Variants in STRN4 observed in about 807,000 individuals in gnomAD.
The protein encoded by STRN4 is striatin-4.
Under a neutral mutation model 77.9 loss-of-function variants are expected in STRN4, and 27 were observed. The observed-to-expected ratio is 0.35, with a 90% CI of 0.26 to 0.48. The LOEUF (loss-of-function observed/expected upper bound fraction) is 0.48, where lower values mean the gene tolerates loss of function less well. Among genes scored for constraint, STRN4 ranks in the 20% least tolerant of loss-of-function variants. The pLI, the probability that STRN4 is intolerant of heterozygous loss-of-function variation, is 0.99. For missense variants in STRN4, 798 were observed against 1,049.7 expected, an observed-to-expected ratio of 0.76 and a Z score of 3.31; for synonymous variants, 466 against 443.1, an observed-to-expected ratio of 1.05 and a Z score of -0.65.
chr19:46,728,081 A>G, intron 7 of STRN4, 74 bp from the exon 8 acceptor site: 1 of 1,341,258 alleles, frequency 7.5e-7, no homozygotes, highest in Non-Finnish European at 1.0e-6. Flanking sequence ...CGCCTTCCCC[A>G]CACTGAGGGC....
In STRN4 at chr19:46,736,838, C is replaced by T. The variant is rs781739750; in HGVS notation, c.524G>A (p.Arg175Gln). ...ENSPLVWKEG[R>Q]QLLRQYLEEV... ...GCACACTCACTGTCGGAGAAGCTGC[C>T]GCCCCTCCTTCCACACCAACGGGCT... The change falls in exon 4 of 18, where the codon CGG becomes CAG. Residue 175 changes from arginine to glutamine, a missense_variant. Physicochemically the swap from Arg to Gln is conservative, Grantham distance 43. Transcript: ENST00000263280. 22 of 1,613,120 alleles carry T rather than the reference C, an allele frequency of 1.4e-5. No individual in the cohort carries two copies. The highest frequency in any genetic ancestry group is 1.3e-4 in the East Asian group (6 of 44,786).
chr19:46,736,699 C>T, intron 4 of STRN4, 124 bp downstream of exon 4: 1 of 1,050,172 alleles, frequency 9.5e-7, no homozygotes, highest in South Asian at 1.6e-5. Flanking sequence ...CCAGCCATGG[C>T]TGGCTAAGAT....
At position 46,738,019 on chromosome 19, in the gene STRN4, T is replaced by G; in HGVS notation, c.460+145A>C. 7 of 804,128 alleles carry G rather than the reference T, an allele frequency of 8.7e-6. 1 individual carries two copies. Among genetic ancestry groups the G allele is most frequent in the East Asian group, 2.6e-5 (1 of 38,160 alleles). The allele number at this position is 804,128 out of a possible 1,614,324, so 49.8% of individuals were successfully genotyped here. On this transcript the variant is annotated intron_variant, in intron 3 of 17. Transcript: ENST00000263280. This position sits in a 1 kb window ranked among gnomAD's most constrained non-coding sequence, Gnocchi z 4.5. ...CAGCCCATAGGGAGGGCTCTGAGAG[T>G]GAGATTCCGCCCCTCCCCAGCCCCG...
chr19:46,736,922 G>T (rs2054377996), intron 3 of STRN4, 21 bp from the exon 4 acceptor site: 1 of 1,609,246 alleles, frequency 6.2e-7, no homozygotes, highest in Non-Finnish European at 8.5e-7. Flanking sequence ...AGAGAACGGA[G>T]GCTGTCTTAA....
At chr19:46,727,795 G>T in intron 8 of STRN4, 99 bp downstream of exon 8, 1 of 1,132,566 alleles carries the variant, frequency 8.8e-7, no homozygotes. Context: ...CTGGAGGCTG[G>T]GCCTCGACCC....
Position 46,738,922 on chromosome 19 carries a change from TG to T in STRN4, c.283-35del. ...GCAGACAGGAGGCAAAGGGAGATAATGGGGCTCAGGCTCAATGCCGGTGTGT... is the reference window on the plus strand; with the variant it reads ...GCAGACAGGAGGCAAAGGGAGATAATGGGCTCAGGCTCAATGCCGGTGTGT... On this transcript the variant is annotated intron_variant, in intron 1 of 17. Transcript: ENST00000263280. The surrounding 1 kb of genome is among the most constrained non-coding windows in gnomAD (Gnocchi z 4.5). 1 of 1,586,444 alleles carries T rather than the reference TG, an allele frequency of 6.3e-7. No individual in the cohort carries two copies. Among genetic ancestry groups the T allele is most frequent in the Non-Finnish European group, 8.6e-7 (1 of 1,157,482 alleles).
chr19:46,731,962 C>T lies in STRN4; in HGVS notation c.737+1077G>A, dbSNP rs180732392. On this transcript the variant is annotated intron_variant, in intron 5 of 17. Coordinates refer to ENST00000263280, the MANE Select transcript of STRN4 (RefSeq NM_013403.3). ...GCTCCAGACGAGCTCTGCTTCTCCA[C>T]ATGGGGGTAAACAGGCCCCTCACAC... The T allele has an allele frequency of 2.6e-5, 4 of 152,396 alleles. No homozygotes were observed. In the East Asian group the frequency reaches 7.7e-4, roughly 29 times the overall value. 9.4% of individuals were successfully genotyped at this position (152,396 alleles called of 1,614,324 possible).
chr19:46,730,040 C>T (rs1000952945), intron 6 of STRN4, among the ~76,000 whole-genome samples: 2 of 152,128 alleles, frequency 1.3e-5, no homozygotes, highest in African/African-American at 4.8e-5. Context: ...GCAAACACCA[C>T]GGATGATTCC....
At chr19:46,725,731 CCT>C (rs201832769) in intron 9 of STRN4, 83 bp from the exon 10 acceptor site, 1 of 1,514,618 alleles carries the variant, frequency 6.6e-7, no homozygotes, top group South Asian at 1.3e-5. Context: ...CTTGAGGGCC[CCT>C]GTCTTCCACC....
rs750846151 is a variant in STRN4, at chr19:46,741,278, G to A, written c.283-2390C>T. The stretch of plus-strand genomic sequence containing the variant: ...TAGTGGTCTATCTGTGGGGGCAGGA[G>A]GTGGAGTTGGGCATCCCAACCAGAC... On this transcript the variant is annotated intron_variant, in intron 1 of 17. Coordinates refer to ENST00000263280, the MANE Select transcript of STRN4 (RefSeq NM_013403.3). The surrounding 1 kb of genome is among the most constrained non-coding windows in gnomAD (Gnocchi z 4.9). Among the ~76,000 whole-genome samples the A allele has an allele frequency of 3.9e-5, 6 of 152,302 alleles. No homozygotes were observed. The highest frequency in any genetic ancestry group is 3.4e-3 in the Middle Eastern group (1 of 294).
chr19:46,733,277 GCTT>G lies in STRN4; in HGVS notation c.540-44_540-42del. 6.3e-7 allele frequency: 1 copy of G among 1,584,664 alleles called. No individual in the cohort carries two copies. The highest frequency in any genetic ancestry group is 2.3e-5 in the East Asian group (1 of 44,304). Reference sequence around the variant, plus strand: ...GCCACGTGGGTCAGACATCCCCTGGGCTTCTTCATGTACCACAGGGGCCAATGC... The same window carrying G: ...GCCACGTGGGTCAGACATCCCCTGGGCTTCATGTACCACAGGGGCCAATGC... On this transcript the variant is annotated intron_variant, in intron 4 of 17. Transcript: ENST00000263280. The surrounding 1 kb of genome is among the most constrained non-coding windows in gnomAD (Gnocchi z 4.3).
chr19:46,723,214 G>A lies in STRN4; in HGVS notation c.1665C>T (p.Thr555=), dbSNP rs752179927. ...CAGAACAGGAGGCCAGGCGCTGGGA[G>A]GTGGGACTGAAGGCCAGGCCCCACA... is the stretch of plus-strand genomic sequence containing the variant. ...DAVWGLAFSP[T]SQRLASCSAD... The change falls in exon 13 of 18, where the codon ACC becomes ACT. Residue 555 remains threonine, a synonymous_variant. Transcript: ENST00000263280. This position sits in a 1 kb window ranked among gnomAD's most constrained non-coding sequence, Gnocchi z 5.5. The A allele has an allele frequency of 6.4e-6, 10 of 1,554,100 alleles. No individual in the cohort carries two copies. In the African/African-American group the frequency reaches 1.2e-4, roughly 19 times the overall value.
chr19:46,739,106 G>A (rs2054426790), intron 1 of STRN4, among the ~76,000 whole-genome samples: 3 of 152,224 alleles, frequency 2.0e-5, no homozygotes, highest in Admixed American at 1.3e-4. Context: ...CACCCACAAC[G>A]AGGGCCGAAG....
chr19:46,729,031 C>A (rs2122280072), intron 6 of STRN4, among the ~76,000 whole-genome samples: 1 of 152,346 alleles, frequency 6.6e-6, no homozygotes, highest in African/African-American at 2.4e-5. Context: ...AGTCCCCCAG[C>A]AAGGTGCCTC....
At position 46,720,624 on chromosome 19, in the gene STRN4, G is replaced by A; in HGVS notation, c.2240C>T (p.Ala747Val). 1 of 1,597,506 alleles carries A rather than the reference G, an allele frequency of 6.3e-7. No individual in the cohort carries two copies. Among genetic ancestry groups the A allele is most frequent in the Non-Finnish European group, 8.5e-7 (1 of 1,170,182 alleles). The change falls in exon 17 of 18, where the codon GCC becomes GTC. Residue 747 changes from alanine to valine, a missense_variant. Coordinates refer to ENST00000263280, the MANE Select transcript of STRN4 (RefSeq NM_013403.3). ...GCATCATACGAAGACCTTGGCCAGG[G>A]CATCAGCGCCAGCACTGGCAATGAG... ...KALIASAGADALAKVFV is the reference protein window; with the variant it reads ...KALIASAGADVLAKVFV
In STRN4 at chr19:46,722,957, G is replaced by C. The variant is rs1404671331; in HGVS notation, c.1766-7C>G. 1 of 1,613,584 alleles carries C rather than the reference G, an allele frequency of 6.2e-7. No individual in the cohort carries two copies. Among genetic ancestry groups the C allele is most frequent in the Admixed American group, 1.7e-5 (1 of 60,032 alleles). Reference sequence around the variant, plus strand: ...GAGGTGGGGACCCCGTGCTCTGAGGGCACAGGGAAGAGAAGGCTGCTGAAT... The same window carrying C: ...GAGGTGGGGACCCCGTGCTCTGAGGCCACAGGGAAGAGAAGGCTGCTGAAT... On this transcript the variant is annotated splice_region_variant and splice_polypyrimidine_tract_variant and intron_variant, in intron 13 of 17. Transcript: ENST00000263280.
At position 46,746,436 on chromosome 19, in the gene STRN4, C is replaced by T. The variant is rs1307793144; in HGVS notation, c.-6G>A. 4.7e-5 allele frequency: 48 copies of T among 1,013,938 alleles called. No individual in the cohort carries two copies. The highest frequency in any genetic ancestry group is 5.5e-5 in the Non-Finnish European group (47 of 850,544). The allele number at this position is 1,013,938 out of a possible 1,614,324, so 62.8% of individuals were successfully genotyped here. Reference sequence around the variant, plus strand: ...GCCGCTCGCTCCTCCATCATGGAGGCCCCGGGGCCGGCCTGCGCGCCCGCT... The same window carrying T: ...GCCGCTCGCTCCTCCATCATGGAGGTCCCGGGGCCGGCCTGCGCGCCCGCT... On this transcript the variant is annotated 5_prime_UTR_variant, in exon 1 of 18. Coordinates refer to ENST00000263280, the MANE Select transcript of STRN4 (RefSeq NM_013403.3).
chr19:46,728,367 CTG>C, intron 7 of STRN4: 1 of 601,504 alleles, frequency 1.7e-6, no homozygotes, highest in Non-Finnish European at 2.9e-6. Context: ...GACGCCCGCC[CTG>C]GAGGGCTGGC....
At chr19:46,727,857 C>T (rs2054155845) in intron 8 of STRN4, 37 bp downstream of exon 8, 3 of 1,532,988 alleles carry the variant, frequency 2.0e-6, no homozygotes, top group Non-Finnish European at 2.7e-6. Context: ...CTGCCATGGG[C>T]CCGCAGGACT....
Sources: gnomAD v4.1 joint callset for allele counts (sites outside exome capture counted in the v4.1 genomes callset) on GRCh38, gnomAD v4.1.1 for gene constraint, Gnocchi (gnomAD v3.1) non-coding constraint, MANE v1.5 for transcripts, NCBI Gene and HGNC (gene_info 2026-07-23, HGNC 2026-07-21) for gene names.